IL1RL2: variants seen among roughly 807,000 people sequenced by gnomAD.
IL1RL2 encodes the protein interleukin-1 receptor-like 2.
Under a neutral mutation model 66.8 loss-of-function variants are expected in IL1RL2, and 68 were observed. That is an observed-to-expected ratio of 1.02 (90% CI 0.84 to 1.25). IL1RL2 has a LOEUF of 1.25. Ranked by LOEUF, IL1RL2 falls within the 50% of genes most tolerant of loss-of-function variation. IL1RL2 has a pLI of 0.00. For synonymous variants in IL1RL2, 305 were observed against 264.6 expected, an observed-to-expected ratio of 1.15 and a Z score of -1.48; for missense variants, 729 against 709.3, an observed-to-expected ratio of 1.03 and a Z score of -0.32.
intron 5 of IL1RL2, among the ~76,000 whole-genome samples, chr2:102,206,140 T>A (rs1296695452): frequency 6.6e-6 from 1 of 152,142 alleles, no homozygotes; most frequent in Non-Finnish European, 1.5e-5. Context: ...AATTCTGAAT[T>A]CCTTTTCTAT....
chr2:102,231,591 T>C (rs1691138861), intron 9 of IL1RL2, among the ~76,000 whole-genome samples: 1 of 151,392 alleles, frequency 6.6e-6, no homozygotes, highest in Non-Finnish European at 1.5e-5. Flanking sequence ...CTCCAGACCA[T>C]GGGGATTTTT....
At position 102,201,644 on chromosome 2, in the gene IL1RL2, A is replaced by G; in HGVS notation, c.578A>G (p.Tyr193Cys). 6.2e-7 allele frequency: 1 copy of G among 1,614,128 alleles called. No individual in the cohort carries two copies. ...GTCTCGGCAGAGGACAGAGGGAACT[A>G]CGCGTGTCAAGCCATACTGACACAC... ...SNVSAEDRGN[Y>C]ACQAILTHSG... is the part of the protein sequence containing the mutation. Residue 193 changes from tyrosine to cysteine, a missense_variant, in exon 5 of 12, where the codon TAC (tyrosine) becomes TGC (cysteine). Physicochemically the swap from Tyr to Cys is radical, Grantham distance 194 (BLOSUM62 -2). Transcript: ENST00000264257.
At chr2:102,232,545 T>G (rs962111997) in intron 9 of IL1RL2, among the ~76,000 whole-genome samples, 1 of 152,250 alleles carries the variant, frequency 6.6e-6, no homozygotes, top group African/African-American at 2.4e-5. Context: ...AGGCTAGTCT[T>G]GAATTCCTGG....
At chr2:102,197,629 T>A (rs1687898903) in intron 4 of IL1RL2, among the ~76,000 whole-genome samples, 1 of 152,204 alleles carries the variant, frequency 6.6e-6, no homozygotes, top group Non-Finnish European at 1.5e-5. Context: ...ATTCCATGTC[T>A]CCAGCTGGCT....
At chr2:102,196,853 T>G (rs1687829171) in intron 4 of IL1RL2, among the ~76,000 whole-genome samples, 1 of 152,202 alleles carries the variant, frequency 6.6e-6, no homozygotes, top group African/African-American at 2.4e-5. Context: ...ACACCATTTA[T>G]GCCAACCTAA....
At chr2:102,223,533 AC>A (rs1027025981) in intron 8 of IL1RL2, among the ~76,000 whole-genome samples, 3 of 152,010 alleles carry the variant, frequency 2.0e-5, no homozygotes, top group African/African-American at 7.3e-5. Flanking sequence ...CTATTTCAAA[AC>A]CCTGAGTCCC....
At chr2:102,231,805 A>C (rs1417302294) in intron 9 of IL1RL2, among the ~76,000 whole-genome samples, 1 of 152,168 alleles carries the variant, frequency 6.6e-6, no homozygotes, top group Admixed American at 6.5e-5. Flanking sequence ...ACGGCACTGC[A>C]GATTACTAGA....
chr2:102,222,520 C>T (rs1342800422), intron 8 of IL1RL2, among the ~76,000 whole-genome samples: 1 of 152,190 alleles, frequency 6.6e-6, no homozygotes, highest in Non-Finnish European at 1.5e-5. Context: ...GCTTGACATT[C>T]AGGGCCTCCT....
intron 5 of IL1RL2, among the ~76,000 whole-genome samples, chr2:102,202,090 G>A (rs1053863477): frequency 6.6e-6 from 1 of 152,068 alleles, no homozygotes; most frequent in Admixed American, 6.6e-5. Flanking sequence ...ATATTCCTGC[G>A]GGCCTTCCAG....
At chr2:102,225,773 C>T in intron 8 of IL1RL2, 125 bp from the exon 9 acceptor site, 1 of 625,658 alleles carries the variant, frequency 1.6e-6, no homozygotes, top group East Asian at 3.5e-5. Context: ...GCAGTGCCCT[C>T]ATTGACATCC....
At chr2:102,191,087 T>G (rs1174673513) in intron 3 of IL1RL2, among the ~76,000 whole-genome samples, 1 of 152,196 alleles carries the variant, frequency 6.6e-6, no homozygotes, top group African/African-American at 2.4e-5. Context: ...ACATTTATCT[T>G]ATAATTTTCT....
In IL1RL2 at chr2:102,192,138, T is replaced by A; in HGVS notation, c.489+18T>A. On this transcript the variant is annotated intron_variant, in intron 4 of 11. Transcript: ENST00000264257. ...GGTATAAGGTAAAAAAGAATTTTCT[T>A]ATTGATATTTTTCCTCCTTTTCTTT... The A allele has an allele frequency of 6.6e-7, 1 of 1,512,694 alleles. No homozygotes were observed. Among genetic ancestry groups the A allele is most frequent in the African/African-American group, 1.4e-5 (1 of 70,606 alleles). The allele number at this position is 1,512,694 out of a possible 1,614,324, so 93.7% of individuals were successfully genotyped here.
chr2:102,203,342 C>G (rs928433586), intron 5 of IL1RL2, among the ~76,000 whole-genome samples: 1 of 150,328 alleles, frequency 6.7e-6, no homozygotes, highest in Non-Finnish European at 1.5e-5. Context: ...AGTTTTCTCT[C>G]TCTTTTTTTT....
At chr2:102,219,776 C>A in intron 7 of IL1RL2, 105 bp from the exon 8 acceptor site, 1 of 1,108,082 alleles carries the variant, frequency 9.0e-7, no homozygotes, top group Non-Finnish European at 1.3e-6. Context: ...AACATGATGG[C>A]CCAAAGTGTT....
At chr2:102,240,080 C>T (rs1221068254), downstream of IL1RL2, 3 of 152,218 alleles carry the variant, frequency 2.0e-5, no homozygotes, top group East Asian at 5.8e-4. Flanking sequence ...AAACTGATTT[C>T]TGCTAAAATC....
At chr2:102,188,561 C>T (rs994120633) in intron 2 of IL1RL2, among the ~76,000 whole-genome samples, 5 of 128,544 alleles carry the variant, frequency 3.9e-5, no homozygotes, top group African/African-American at 1.5e-4. Context: ...GCACTCCAGC[C>T]TGGGCGACAG....
At chr2:102,199,067 C>T (rs1335686294) in intron 4 of IL1RL2, among the ~76,000 whole-genome samples, 1 of 152,130 alleles carries the variant, frequency 6.6e-6, no homozygotes, top group Non-Finnish European at 1.5e-5. Context: ...AGTCCTGCTC[C>T]CTCTGCATAT....
chr2:102,212,237 CTGGT>C, intron 6 of IL1RL2, 63 bp downstream of exon 6: 1 of 1,180,804 alleles, frequency 8.5e-7, no homozygotes, highest in Non-Finnish European at 1.3e-6. Flanking sequence ...TTTGCATATT[CTGGT>C]GAATATTTTG....
At chr2:102,242,038 G>C (rs912963840), downstream of IL1RL2, among the ~76,000 whole-genome samples, 4 of 152,132 alleles carry the variant, frequency 2.6e-5, no homozygotes, top group African/African-American at 4.8e-5. Context: ...TGAAAACATA[G>C]AGCAGTTAAA....
Sources: gnomAD v4.1 joint callset for allele counts (sites outside exome capture counted in the v4.1 genomes callset) on GRCh38, gnomAD v4.1.1 for gene constraint, MANE v1.5 for transcripts, NCBI Gene and HGNC (gene_info 2026-07-23, HGNC 2026-07-21) for gene names.